Variants in PPP1R9A observed in about 807,000 individuals in gnomAD.
The protein encoded by PPP1R9A is protein phosphatase 1 regulatory subunit 9A.
Under a neutral mutation model 141.9 loss-of-function variants are expected in PPP1R9A, and 59 were observed. The ratio of observed to expected loss-of-function variants is 0.42; its 90% CI spans 0.34 to 0.52. The LOEUF (loss-of-function observed/expected upper bound fraction) is 0.52. PPP1R9A is among the 20% of genes least tolerant of loss of function. The pLI, the probability that PPP1R9A is intolerant of heterozygous loss-of-function variation, is 0.10. For synonymous variants in PPP1R9A, 500 were observed against 569.7 expected (o/e 0.88, Z 1.74); for missense variants, 1,444 against 1,611.9 (o/e 0.90, Z 1.78).
intron 2 of PPP1R9A, among the ~76,000 whole-genome samples, chr7:94,981,677 T>G (rs901144877): frequency 6.6e-6 from 1 of 152,190 alleles, no homozygotes; most frequent in African/African-American, 2.4e-5. Flanking sequence ...CTATTATACA[T>G]ACATATGTAC....
Position 95,085,156 on chromosome 7 carries a change from T to C in PPP1R9A, c.1396-26103T>C, listed in dbSNP as rs535090476. ...TAGTAAAGTAGGACCCTATGTCATG[T>C]GTTTATTAACCATTAGATTTTCCTT... On this transcript the variant is annotated intron_variant, in intron 2 of 19. Coordinates refer to ENST00000433360, the MANE Select transcript of PPP1R9A (RefSeq NM_001166160.2). Among the ~76,000 whole-genome samples the C allele has an allele frequency of 2.0e-5, 3 of 152,194 alleles. No individual in the cohort carries two copies. In the East Asian group the frequency reaches 5.8e-4, roughly 29 times the overall value.
At chr7:95,106,873 C>A (rs992281613) in intron 2 of PPP1R9A, among the ~76,000 whole-genome samples, 5 of 151,568 alleles carry the variant, frequency 3.3e-5, no homozygotes, top group African/African-American at 4.9e-5. Flanking sequence ...GATTTTAGCT[C>A]ACTGCAACCT....
intron 2 of PPP1R9A, among the ~76,000 whole-genome samples, chr7:95,099,115 T>C (rs1000156943): frequency 2.6e-5 from 4 of 152,180 alleles, no homozygotes; most frequent in African/African-American, 9.7e-5. Flanking sequence ...GTGCTGGCAG[T>C]TGTAGTAAAA....
chr7:95,152,482 T>A (rs1051950649), intron 4 of PPP1R9A, among the ~76,000 whole-genome samples: 1 of 152,164 alleles, frequency 6.6e-6, no homozygotes, highest in Non-Finnish European at 1.5e-5. Context: ...TTTTGTCCCA[T>A]ATGTTATAAA....
chr7:95,154,792 T>A (rs1269146474), intron 4 of PPP1R9A: 2 of 152,164 alleles, frequency 1.3e-5, no homozygotes, highest in African/African-American at 4.8e-5. Flanking sequence ...AACACCAAAA[T>A]ACACTGTTCA....
In PPP1R9A at chr7:94,929,401, CTCTA is replaced by C. The variant is rs1250204354; in HGVS notation, c.1395+17897_1395+17900del. On this transcript the variant is annotated intron_variant, in intron 2 of 19. Coordinates refer to ENST00000433360, the MANE Select transcript of PPP1R9A (RefSeq NM_001166160.2). Reference sequence around the variant, plus strand: ...CAGGAAACTCCTGGGAGAAGCCAAACTCTATCTGAGTTTCGAAGGTTTAATAAGT... The same window carrying C: ...CAGGAAACTCCTGGGAGAAGCCAAACTCTGAGTTTCGAAGGTTTAATAAGT... Among the ~76,000 whole-genome samples the C allele has an allele frequency of 5.3e-5, 8 of 152,252 alleles. No individual in the cohort carries two copies. The South Asian group carries it at 1.0e-3, about 20-fold the overall frequency.
intron 2 of PPP1R9A, among the ~76,000 whole-genome samples, chr7:94,994,763 G>A (rs1229210085): frequency 2.0e-5 from 3 of 151,758 alleles, no homozygotes; most frequent in Non-Finnish European, 2.9e-5. Flanking sequence ...GCATGGTGGT[G>A]TGCACCTGTA....
intron 17 of PPP1R9A, among the ~76,000 whole-genome samples, chr7:95,285,545 C>T (rs705377): frequency 0.28 from 41,922 of 152,126 alleles, 6,753 homozygotes; most frequent in Middle Eastern, 0.49. Flanking sequence ...TTTATTTACA[C>T]GCTCCCACCT....
chr7:94,992,693 G>T (rs573588351), intron 2 of PPP1R9A, among the ~76,000 whole-genome samples: 1 of 151,952 alleles, frequency 6.6e-6, no homozygotes, highest in Non-Finnish European at 1.5e-5. Context: ...ATGTTACTGT[G>T]GTTTCAATTT....
intron 2 of PPP1R9A, among the ~76,000 whole-genome samples, chr7:94,921,850 CA>C (rs1006470298): frequency 4.6e-5 from 7 of 151,768 alleles, no homozygotes; most frequent in African/African-American, 1.7e-4. Flanking sequence ...CTAAAACAAA[CA>C]AACCTGTAAG....
chr7:94,949,040 A>G (rs567386160), intron 2 of PPP1R9A, among the ~76,000 whole-genome samples: 1 of 152,310 alleles, frequency 6.6e-6, no homozygotes, highest in East Asian at 1.9e-4. Flanking sequence ...ATAAGCCAGA[A>G]TTTTCAAAAA....
chr7:95,149,086 G>A (rs1342198473), intron 4 of PPP1R9A, among the ~76,000 whole-genome samples: 5 of 151,822 alleles, frequency 3.3e-5, no homozygotes, highest in South Asian at 4.1e-4. Context: ...TAGAAGGCTG[G>A]TTCAACATTC....
chr7:95,210,058 T>A (rs1791745367), intron 7 of PPP1R9A, among the ~76,000 whole-genome samples: 1 of 152,180 alleles, frequency 6.6e-6, no homozygotes, highest in African/African-American at 2.4e-5. Context: ...GTCGACCGTT[T>A]AGTTCAGGAT....
chr7:94,921,552 A>G (rs907329504), intron 2 of PPP1R9A, among the ~76,000 whole-genome samples: 11 of 152,084 alleles, frequency 7.2e-5, no homozygotes, highest in African/African-American at 2.4e-4. Context: ...TTTGTAAAGG[A>G]AGAGAAAGAC....
chr7:95,022,952 G>A (rs1806212896), intron 2 of PPP1R9A, among the ~76,000 whole-genome samples: 1 of 152,082 alleles, frequency 6.6e-6, no homozygotes, highest in Non-Finnish European at 1.5e-5. Flanking sequence ...TTTTTGTTGT[G>A]TCTCTGCCAG....
chr7:95,285,373 A>G (rs1336611741), intron 17 of PPP1R9A, among the ~76,000 whole-genome samples: 9 of 152,334 alleles, frequency 5.9e-5, no homozygotes, highest in South Asian at 2.1e-4. Context: ...CATTTTCAGT[A>G]TTGGATCTGA....
chr7:95,083,010 C>T (rs935091115), intron 2 of PPP1R9A, among the ~76,000 whole-genome samples: 5 of 151,776 alleles, frequency 3.3e-5, no homozygotes, highest in African/African-American at 2.4e-5. Context: ...CCACCTCGGC[C>T]TCCCAAAGTG....
chr7:94,949,673 C>T (rs1796250702), intron 2 of PPP1R9A, among the ~76,000 whole-genome samples: 1 of 151,990 alleles, frequency 6.6e-6, no homozygotes, highest in Non-Finnish European at 1.5e-5. Context: ...ACACACAGCT[C>T]TGGAAGGCTT....
At chr7:95,128,299 G>A (rs1304305162) in intron 4 of PPP1R9A, among the ~76,000 whole-genome samples, 2 of 152,162 alleles carry the variant, frequency 1.3e-5, no homozygotes, top group African/African-American at 4.8e-5. Flanking sequence ...TTTGTTGGCT[G>A]CTTGTATGCC....
Sources: allele counts gnomAD v4.1 joint callset (sites outside exome capture counted in the v4.1 genomes callset), GRCh38; gene constraint gnomAD v4.1.1; transcripts MANE v1.5; gene names NCBI Gene and HGNC (gene_info 2026-07-23, HGNC 2026-07-21).